The following B3GALT1 variants were observed in gnomAD, a reference collection of about 807,000 sequenced individuals.
B3GALT1 encodes the protein beta-1,3-galactosyltransferase 1.
In B3GALT1, 10 loss-of-function variants were observed where a neutral mutation model predicts 23.2. That is an observed-to-expected ratio of 0.43 (90% confidence interval 0.27 to 0.73). The LOEUF is 0.73. Among genes scored for constraint, B3GALT1 ranks in the 30% least tolerant of loss-of-function variants. The pLI is 0.21. For missense variants in B3GALT1, 299 were observed against 405.4 expected (o/e 0.74, Z 2.25); for synonymous variants, 156 against 141.5 (o/e 1.10, Z -0.73).
intron 1 of B3GALT1, among the ~76,000 whole-genome samples, chr2:167,444,603 A>C (rs186626527): frequency 1.3e-5 from 2 of 152,240 alleles, no homozygotes; most frequent in African/African-American, 2.4e-5. Context: ...GGGAGGGTGC[A>C]TGTGTCCAGG....
At chr2:167,672,318 A>C (rs1477405498) in intron 3 of B3GALT1, among the ~76,000 whole-genome samples, 1 of 152,132 alleles carries the variant, frequency 6.6e-6, no homozygotes, top group Non-Finnish European at 1.5e-5. Context: ...TATTTTCTCA[A>C]TTTACTAAAA....
At chr2:167,800,419 C>A (rs535546062) in intron 3 of B3GALT1, among the ~76,000 whole-genome samples, 13 of 152,300 alleles carry the variant, frequency 8.5e-5, no homozygotes, top group African/African-American at 3.1e-4. Flanking sequence ...GAACTACCCT[C>A]CCCACACCCA....
chr2:167,354,454 C>T (rs1485564923), intron 1 of B3GALT1, among the ~76,000 whole-genome samples: 1 of 151,108 alleles, frequency 6.6e-6, no homozygotes, highest in African/African-American at 2.4e-5. Flanking sequence ...TCAAGCGATT[C>T]TCCTGCCTCA....
At chr2:167,710,505 G>T (rs1156310793) in intron 3 of B3GALT1, among the ~76,000 whole-genome samples, 5 of 152,184 alleles carry the variant, frequency 3.3e-5, no homozygotes, top group Admixed American at 2.0e-4. Flanking sequence ...TAGGAGTTTG[G>T]CCTGCCTTTC....
At chr2:167,332,767 G>A (rs543630560) in intron 1 of B3GALT1, among the ~76,000 whole-genome samples, 109 of 152,220 alleles carry the variant, frequency 7.2e-4, no homozygotes, top group African/African-American at 2.6e-3. Flanking sequence ...CCACTAACAG[G>A]CCCTCTAAGG....
intron 1 of B3GALT1, among the ~76,000 whole-genome samples, chr2:167,387,333 T>C (rs1380235501): frequency 6.6e-6 from 1 of 152,190 alleles, no homozygotes; most frequent in Non-Finnish European, 1.5e-5. Context: ...AAATCAGATG[T>C]TACATTAATT....
intron 3 of B3GALT1, among the ~76,000 whole-genome samples, chr2:167,665,641 T>G (rs1329177897): frequency 4.0e-5 from 6 of 151,726 alleles, no homozygotes; most frequent in East Asian, 3.9e-4. Flanking sequence ...CAATTTCAGA[T>G]CCTGTTATTG....
chr2:167,293,510 C>T (rs899507108), intron 1 of B3GALT1, among the ~76,000 whole-genome samples, 176 bp downstream of exon 1: 4 of 152,162 alleles, frequency 2.6e-5, no homozygotes, highest in African/African-American at 9.6e-5. Flanking sequence ...CTGGTGCGTT[C>T]TCCCTTCCGC....
intron 1 of B3GALT1, among the ~76,000 whole-genome samples, chr2:167,470,072 C>T (rs1699402290): frequency 6.6e-6 from 1 of 152,126 alleles, no homozygotes; most frequent in South Asian, 2.1e-4. Flanking sequence ...GAATCCTCAT[C>T]CTGATATATA....
chr2:167,591,291 G>A (rs899307642), intron 2 of B3GALT1, among the ~76,000 whole-genome samples: 4 of 151,930 alleles, frequency 2.6e-5, no homozygotes, highest in Admixed American at 1.3e-4. Flanking sequence ...ATGCCAAGCA[G>A]GGAGGTAGTA....
At chr2:167,730,623 T>A (rs1687395975) in intron 3 of B3GALT1, among the ~76,000 whole-genome samples, 1 of 152,182 alleles carries the variant, frequency 6.6e-6, no homozygotes, top group South Asian at 2.1e-4. Context: ...CCCGTGTCCT[T>A]TATACCACTC....
At chr2:167,854,704 T>C (rs1181476364) in intron 4 of B3GALT1, among the ~76,000 whole-genome samples, 2 of 152,214 alleles carry the variant, frequency 1.3e-5, no homozygotes, top group Non-Finnish European at 2.9e-5. Context: ...GACTTCATTA[T>C]GGATGTCAGT....
At chr2:167,335,670 C>G (rs1697048578) in intron 1 of B3GALT1, among the ~76,000 whole-genome samples, 1 of 152,174 alleles carries the variant, frequency 6.6e-6, no homozygotes, top group Non-Finnish European at 1.5e-5. Flanking sequence ...GTAGGAGTGT[C>G]TCTTAGCATG....
chr2:167,578,944 T>C (rs1025575665), intron 2 of B3GALT1, among the ~76,000 whole-genome samples: 16 of 152,042 alleles, frequency 1.1e-4, no homozygotes, highest in African/African-American at 3.9e-4. Flanking sequence ...CCTAATAATA[T>C]AGTGGGAAGC....
intron 2 of B3GALT1, among the ~76,000 whole-genome samples, chr2:167,588,225 G>A (rs1467969985): frequency 2.0e-5 from 3 of 149,960 alleles, no homozygotes; most frequent in African/African-American, 7.4e-5. Context: ...ATGCAAATAC[G>A]TATTTAAATC....
At chr2:167,354,728 TAA>T (rs1361359684) in intron 1 of B3GALT1, among the ~76,000 whole-genome samples, 1 of 152,214 alleles carries the variant, frequency 6.6e-6, no homozygotes, top group Non-Finnish European at 1.5e-5. Flanking sequence ...CCCAGTTTGT[TAA>T]GATCCCATTT....
chr2:167,739,246 A>T (rs928870166), intron 3 of B3GALT1, among the ~76,000 whole-genome samples: 5 of 152,228 alleles, frequency 3.3e-5, no homozygotes, highest in African/African-American at 1.2e-4. Flanking sequence ...TTCTGAATTT[A>T]AGACTCACAT....
chr2:167,863,174 T>C (rs1690138954), intron 4 of B3GALT1, among the ~76,000 whole-genome samples: 1 of 152,334 alleles, frequency 6.6e-6, no homozygotes, highest in Middle Eastern at 3.4e-3. Context: ...CTCTCTTTTT[T>C]TTTTCTTTTC....
chr2:167,649,697 T>G (rs1457600977), intron 3 of B3GALT1, among the ~76,000 whole-genome samples: 1 of 152,094 alleles, frequency 6.6e-6, no homozygotes. Context: ...CATGGTTTTC[T>G]TAATTTGATT....
Sources: gnomAD v4.1 joint callset for allele counts (sites outside exome capture counted in the v4.1 genomes callset) on GRCh38, gnomAD v4.1.1 for gene constraint, MANE v1.5 for transcripts, NCBI Gene and HGNC (gene_info 2026-07-23, HGNC 2026-07-21) for gene names.